Variants in CABCOCO1 observed in about 807,000 individuals in gnomAD.
CABCOCO1 encodes the protein ciliary-associated calcium-binding coiled-coil protein 1.
CABCOCO1 carries 28 observed loss-of-function variants against 35.7 expected under a neutral mutation model. The observed-to-expected ratio is 0.78, with a 90% CI of 0.58 to 1.07. The LOEUF (loss-of-function observed/expected upper bound fraction) is 1.07. Among genes scored for constraint, CABCOCO1 ranks in the 50% least tolerant of loss-of-function variants. The pLI is 0.00. For synonymous variants in CABCOCO1, 95 were observed against 100.1 expected (o/e 0.95, Z 0.30); for missense variants, 326 against 309.2 (o/e 1.05, Z -0.41).
At chr10:61,697,007 G>A (rs1262862901) in intron 5 of CABCOCO1, among the ~76,000 whole-genome samples, 1 of 152,020 alleles carries the variant, frequency 6.6e-6, no homozygotes, top group Non-Finnish European at 1.5e-5. Flanking sequence ...GTAAAAAGAT[G>A]GATTAATACC....
chr10:61,751,445 A>G (rs1360382295), intron 5 of CABCOCO1, among the ~76,000 whole-genome samples: 1 of 151,972 alleles, frequency 6.6e-6, no homozygotes, highest in South Asian at 2.1e-4. Flanking sequence ...GACAAGGGAG[A>G]GGGAATAACT....
intron 5 of CABCOCO1, among the ~76,000 whole-genome samples, chr10:61,750,382 C>G (rs879772868): frequency 6.6e-6 from 1 of 152,146 alleles, no homozygotes; most frequent in Non-Finnish European, 1.5e-5. Flanking sequence ...TCAAGACCAG[C>G]CTGGCCAACA....
At chr10:61,686,289 G>A (rs548595323) in intron 4 of CABCOCO1, 104 bp downstream of exon 4, 2 of 1,017,246 alleles carry the variant, frequency 2.0e-6, no homozygotes, top group East Asian at 6.0e-5. Flanking sequence ...GATATTTACA[G>A]AATTTATGCC....
At chr10:61,758,279 T>C (rs2132090089) in intron 5 of CABCOCO1, among the ~76,000 whole-genome samples, 1 of 152,196 alleles carries the variant, frequency 6.6e-6, no homozygotes, top group South Asian at 2.1e-4. Flanking sequence ...TTACCTATAA[T>C]GTTTCAGAGG....
At chr10:61,695,707 A>C (rs1295434975) in intron 5 of CABCOCO1, among the ~76,000 whole-genome samples, 1 of 152,102 alleles carries the variant, frequency 6.6e-6, no homozygotes, top group Non-Finnish European at 1.5e-5. Context: ...TGAGAGCCAG[A>C]GGACCATGAA....
intron 5 of CABCOCO1, among the ~76,000 whole-genome samples, chr10:61,739,985 T>C (rs1444014865): frequency 6.6e-6 from 1 of 152,174 alleles, no homozygotes; most frequent in Non-Finnish European, 1.5e-5. Context: ...AGTTGGTAAC[T>C]ACTTGGATAT....
At chr10:61,764,194 G>A (rs1842063030) in intron 7 of CABCOCO1, among the ~76,000 whole-genome samples, 1 of 152,084 alleles carries the variant, frequency 6.6e-6, no homozygotes, top group East Asian at 1.9e-4. Flanking sequence ...TTACTGGTGG[G>A]CATAGAGGGA....
At chr10:61,665,020 T>G (rs531168763) in intron 1 of CABCOCO1, among the ~76,000 whole-genome samples, 1 of 152,228 alleles carries the variant, frequency 6.6e-6, no homozygotes, top group Non-Finnish European at 1.5e-5. Flanking sequence ...GTAGCCCATG[T>G]AGTCAACTGA....
chr10:61,679,160 A>T (rs1362218869), intron 2 of CABCOCO1, among the ~76,000 whole-genome samples: 1 of 152,188 alleles, frequency 6.6e-6, no homozygotes, highest in Non-Finnish European at 1.5e-5. Flanking sequence ...CAAAACCAAG[A>T]GAATGCTAAT....
chr10:61,689,248 C>T (rs2131992053), intron 4 of CABCOCO1, among the ~76,000 whole-genome samples: 1 of 152,084 alleles, frequency 6.6e-6, no homozygotes, highest in East Asian at 1.9e-4. Flanking sequence ...TATCTTAAGG[C>T]TTTCTCTAGG....
rs71018993 is a variant in CABCOCO1 at position 61,682,889 on chromosome 10, C to CT, written c.334+1592dup. 4.8e-4 allele frequency among the ~76,000 whole-genome samples: 61 copies of CT among 128,194 alleles called. 1 individual carries two copies. Among genetic ancestry groups the CT allele is most frequent in the East Asian group, 3.5e-3 (16 of 4,634 alleles). 84.1% of individuals were successfully genotyped at this position (128,194 alleles called of 152,430 possible). A position where few individuals can be genotyped will look rare whatever the true frequency, so the allele number is the denominator to read the frequency against. The stretch of plus-strand genomic sequence containing the variant: ...CCAGGAGTTAGTTTCACATGAATTT[C>CT]TTTTTTTTTTTTTTTAAGACAGATT... On this transcript the variant is annotated intron_variant, in intron 3 of 7. Transcript: ENST00000648843.
intron 5 of CABCOCO1, among the ~76,000 whole-genome samples, chr10:61,719,635 T>G (rs1840949373): frequency 6.6e-6 from 1 of 151,818 alleles, no homozygotes. Context: ...AAGAGTGGTG[T>G]CATCGGGCCG....
intron 5 of CABCOCO1, among the ~76,000 whole-genome samples, chr10:61,709,799 T>C (rs1840684037): frequency 6.6e-6 from 1 of 152,148 alleles, no homozygotes; most frequent in Middle Eastern, 3.4e-3. Flanking sequence ...ATGTAACTAA[T>C]TTAAACTTAT....
At chr10:61,760,277 C>T in intron 6 of CABCOCO1, 96 bp downstream of exon 6, 1 of 1,441,480 alleles carries the variant, frequency 6.9e-7, no homozygotes, top group Non-Finnish European at 9.3e-7. Context: ...ATTTTCTTTG[C>T]CTCTGATTTT....
chr10:61,731,077 T>C lies in CABCOCO1; in HGVS notation c.553-28982T>C, dbSNP rs898419518. On this transcript the variant is annotated intron_variant, in intron 5 of 7. Coordinates refer to ENST00000648843, the MANE Select transcript of CABCOCO1 (RefSeq NM_001366906.2). ...TTTATTGGAGTAGAGGGATCGATCA[T>C]ATGGCAATACTAGATCAAAGTTAAT... Among the ~76,000 whole-genome samples the C allele has an allele frequency of 2.7e-5, 4 of 150,288 alleles. No individual in the cohort carries two copies. In the Admixed American group the frequency reaches 2.7e-4, roughly 10 times the overall value.
intron 5 of CABCOCO1, among the ~76,000 whole-genome samples, chr10:61,740,752 G>A (rs1006911995): frequency 3.9e-5 from 6 of 152,076 alleles, no homozygotes; most frequent in Non-Finnish European, 8.8e-5. Flanking sequence ...AGTGGAATAT[G>A]AAACGAACAA....
At chr10:61,729,123 CAT>C (rs762907457) in intron 5 of CABCOCO1, among the ~76,000 whole-genome samples, 1 of 152,034 alleles carries the variant, frequency 6.6e-6, no homozygotes, top group Non-Finnish European at 1.5e-5. Context: ...AAGTATAAGA[CAT>C]AATATAATAT....
intron 5 of CABCOCO1, among the ~76,000 whole-genome samples, chr10:61,751,512 C>T (rs570650454): frequency 3.9e-5 from 6 of 152,030 alleles, no homozygotes; most frequent in Admixed American, 2.6e-4. Flanking sequence ...TGCCACCAAA[C>T]GATAAAGGAA....
intron 5 of CABCOCO1, among the ~76,000 whole-genome samples, chr10:61,756,261 T>A (rs1841895212): frequency 6.6e-6 from 1 of 152,046 alleles, no homozygotes; most frequent in Non-Finnish European, 1.5e-5. Flanking sequence ...ACTAATGCAA[T>A]GTGCACGTAA....
Sources: allele counts gnomAD v4.1 joint callset (sites outside exome capture counted in the v4.1 genomes callset), GRCh38; gene constraint gnomAD v4.1.1; transcripts MANE v1.5; gene names NCBI Gene and HGNC (gene_info 2026-07-23, HGNC 2026-07-21).